Variants in LRRTM4 observed in about 807,000 individuals in gnomAD.
LRRTM4 encodes leucine rich repeat transmembrane neuronal 4.
LRRTM4 carries 25 observed loss-of-function variants against 47.6 expected under a neutral mutation model. That is an observed-to-expected ratio of 0.53 (90% CI 0.38 to 0.73). The LOEUF (loss-of-function observed/expected upper bound fraction) is 0.73, where lower values mean the gene tolerates loss of function less well. Ranked by LOEUF, LRRTM4 falls within the 30% of genes least tolerant of loss-of-function variation. LRRTM4 has a pLI of 0.00. For missense variants in LRRTM4, 638 were observed against 713.4 expected (o/e 0.89, Z 1.20); for synonymous variants, 311 against 269.5 (o/e 1.15, Z -1.51).
At chr2:76,786,652 G>T (rs890655560) in intron 3 of LRRTM4, among the ~76,000 whole-genome samples, 1 of 152,008 alleles carries the variant, frequency 6.6e-6, no homozygotes, top group African/African-American at 2.4e-5. Context: ...TCTGTGGGAG[G>T]TACAGATGCA....
intron 3 of LRRTM4, among the ~76,000 whole-genome samples, chr2:76,853,404 T>G (rs1227858438): frequency 1.3e-5 from 2 of 152,248 alleles, no homozygotes; most frequent in East Asian, 3.9e-4. Context: ...TCTAAATTGT[T>G]GAGAGCACCT....
intron 3 of LRRTM4, among the ~76,000 whole-genome samples, chr2:77,059,193 C>G (rs952026374): frequency 2.6e-5 from 4 of 152,140 alleles, no homozygotes; most frequent in Non-Finnish European, 5.9e-5. Context: ...ACTATACTAA[C>G]AACCTGAAAG....
At chr2:77,313,717 C>T (rs916165607) in intron 3 of LRRTM4, among the ~76,000 whole-genome samples, 3 of 152,122 alleles carry the variant, frequency 2.0e-5, no homozygotes, top group Non-Finnish European at 2.9e-5. Context: ...TCTCCTCCTA[C>T]GTACAATTGA....
intron 3 of LRRTM4, among the ~76,000 whole-genome samples, chr2:77,439,500 GA>G (rs779231520): frequency 1.7e-4 from 25 of 151,100 alleles, no homozygotes; most frequent in South Asian, 6.3e-4. Context: ...TAGAAACTTA[GA>G]AAAAAAACAT....
At chr2:77,086,708 T>C (rs1680729476) in intron 3 of LRRTM4, among the ~76,000 whole-genome samples, 1 of 152,080 alleles carries the variant, frequency 6.6e-6, no homozygotes, top group African/African-American at 2.4e-5. Context: ...CTGGCCAGGC[T>C]GGTGGCGAAA....
chr2:77,293,916 C>G (rs1046379171), intron 3 of LRRTM4, among the ~76,000 whole-genome samples: 8 of 151,998 alleles, frequency 5.3e-5, no homozygotes, highest in African/African-American at 1.9e-4. Context: ...TTTTATTAAA[C>G]AGTGTTGAAT....
At chr2:77,241,859 AT>A (rs1675278392) in intron 3 of LRRTM4, among the ~76,000 whole-genome samples, 5 of 152,028 alleles carry the variant, frequency 3.3e-5, no homozygotes, top group Admixed American at 3.3e-4. Flanking sequence ...CTTAGGTCCA[AT>A]ATAGTTTCCC....
At chr2:77,437,743 G>A (rs559969347) in intron 3 of LRRTM4, among the ~76,000 whole-genome samples, 1 of 152,170 alleles carries the variant, frequency 6.6e-6, no homozygotes, top group South Asian at 2.1e-4. Flanking sequence ...GTTTCTATGG[G>A]CTATTTAAGA....
chr2:77,344,436 G>C (rs1671487029), intron 3 of LRRTM4, among the ~76,000 whole-genome samples: 1 of 151,506 alleles, frequency 6.6e-6, no homozygotes, highest in Non-Finnish European at 1.5e-5. Flanking sequence ...ATAGAATAAT[G>C]GAATTTATGC....
At chr2:77,027,833 A>G (rs1213867091) in intron 3 of LRRTM4, among the ~76,000 whole-genome samples, 1 of 152,174 alleles carries the variant, frequency 6.6e-6, no homozygotes, top group African/African-American at 2.4e-5. Context: ...TGATTTTAAC[A>G]TATTATATAT....
rs189160998 is a variant in LRRTM4, at chr2:77,212,162, A to G, written c.1551+306156T>C. Among the ~76,000 whole-genome samples, 52 of 152,186 alleles carry G rather than the reference A, an allele frequency of 3.4e-4. 1 individual carries two copies. Among genetic ancestry groups the G allele is most frequent in the Admixed American group, 2.9e-3 (45 of 15,264 alleles). ...TGAGCATTGCTGAAATGACAAAATG[A>G]CATATCTAGGTTTCGAATATTTAGA... On this transcript the variant is annotated intron_variant, in intron 3 of 3. Transcript: ENST00000409884.
rs182892490 is a variant in LRRTM4 at position 77,084,405 on chromosome 2, T to A, written c.1552-335489A>T. Among the ~76,000 whole-genome samples the A allele has an allele frequency of 6.6e-5, 10 of 152,296 alleles. No individual in the cohort carries two copies. In the East Asian group the frequency reaches 1.9e-3, roughly 29 times the overall value. On this transcript the variant is annotated intron_variant, in intron 3 of 3. Coordinates refer to ENST00000409884, the MANE Select transcript of LRRTM4 (RefSeq NM_001134745.3). ...GTGAACAGAGATTTTATAGCGGCCT[T>A]CAGAATTTTATTTCAGAAACAAGTA...
chr2:76,759,313 A>G (rs1432936179), intron 3 of LRRTM4, among the ~76,000 whole-genome samples: 10 of 152,160 alleles, frequency 6.6e-5, no homozygotes, highest in Admixed American at 6.5e-4. Flanking sequence ...GGTCTTCTCT[A>G]GAATAAAGCT....
At chr2:76,787,686 C>G (rs146009559) in intron 3 of LRRTM4, among the ~76,000 whole-genome samples, 2 of 151,916 alleles carry the variant, frequency 1.3e-5, no homozygotes, top group South Asian at 4.1e-4. Context: ...GACTACAGCA[C>G]ACTTATTCGG....
chr2:76,755,573 T>C (rs1006855515), intron 3 of LRRTM4, among the ~76,000 whole-genome samples: 1 of 152,136 alleles, frequency 6.6e-6, no homozygotes, highest in African/African-American at 2.4e-5. Flanking sequence ...GATGCAGCTA[T>C]AGAAAAAACT....
intron 3 of LRRTM4, among the ~76,000 whole-genome samples, chr2:77,453,588 T>C (rs139988192): frequency 6.6e-6 from 1 of 152,342 alleles, no homozygotes; most frequent in East Asian, 1.9e-4. Context: ...CCTTATAACA[T>C]AATGATCAAT....
At chr2:76,918,869 C>A (rs1180922496) in intron 3 of LRRTM4, among the ~76,000 whole-genome samples, 1 of 152,154 alleles carries the variant, frequency 6.6e-6, no homozygotes, top group African/African-American at 2.4e-5. Context: ...ATGTATTCCA[C>A]ATTTCATACT....
chr2:77,243,415 TA>T lies in LRRTM4; in HGVS notation c.1551+274902del, dbSNP rs548046680. 6.5e-4 allele frequency among the ~76,000 whole-genome samples: 31 copies of T among 47,518 alleles called. No individual in the cohort carries two copies. The East Asian group carries it at 0.012, about 19-fold the overall frequency. The allele number at this position is 47,518 out of a possible 152,430, so 31.2% of individuals were successfully genotyped here. ...ACGAGAGCGAAACTCCGTCTCAAAA[TA>T]AAAAAAAATAAAAAAAATAAAAAAA... On this transcript the variant is annotated intron_variant, in intron 3 of 3. Coordinates refer to ENST00000409884, the MANE Select transcript of LRRTM4 (RefSeq NM_001134745.3).
Position 77,065,346 on chromosome 2 carries a change from A to C in LRRTM4, c.1552-316430T>G, listed in dbSNP as rs529710559. On this transcript the variant is annotated intron_variant, in intron 3 of 3. Coordinates refer to ENST00000409884, the MANE Select transcript of LRRTM4 (RefSeq NM_001134745.3). The stretch of plus-strand genomic sequence containing the variant: ...AACATACAGTCCTTGCCCTCAGAGA[A>C]CTCACATTATAATAATGGCAATTAA... Among the ~76,000 whole-genome samples the C allele has an allele frequency of 5.9e-5, 9 of 152,286 alleles. No homozygotes were observed. The South Asian group carries it at 1.9e-3, about 32-fold the overall frequency.
Sources: gnomAD v4.1 joint callset for allele counts (sites outside exome capture counted in the v4.1 genomes callset) on GRCh38, gnomAD v4.1.1 for gene constraint, MANE v1.5 for transcripts, NCBI Gene and HGNC (gene_info 2026-07-23, HGNC 2026-07-21) for gene names.